Variants in FHIT observed in about 807,000 individuals in gnomAD.
The protein encoded by FHIT is bis(5'-adenosyl)-triphosphatase.
FHIT carries 19 observed loss-of-function variants against 17.9 expected under a neutral mutation model. The observed-to-expected ratio is 1.06, with a 90% CI of 0.74 to 1.56. The LOEUF (loss-of-function observed/expected upper bound fraction) is 1.56, where lower values mean the gene tolerates loss of function less well. Ranked by LOEUF, FHIT falls within the 40% of genes most tolerant of loss-of-function variation. FHIT has a pLI of 0.00. For missense variants in FHIT, 248 were observed against 189.2 expected (o/e 1.31, Z -1.82); for synonymous variants, 81 against 69.7 (o/e 1.16, Z -0.81).
At chr3:60,456,847 A>C (rs1266421261) in intron 5 of FHIT, among the ~76,000 whole-genome samples, 1 of 152,172 alleles carries the variant, frequency 6.6e-6, no homozygotes, top group Non-Finnish European at 1.5e-5. Context: ...CAAAGAGAAT[A>C]AAATACCTAG....
At chr3:60,922,846 A>C (rs1707354372) in intron 3 of FHIT, among the ~76,000 whole-genome samples, 1 of 152,214 alleles carries the variant, frequency 6.6e-6, no homozygotes, top group African/African-American at 2.4e-5. Context: ...AGTTAATTAA[A>C]ATTGTGGAAT....
chr3:61,235,363 G>A (rs1576274725), intron 1 of FHIT, among the ~76,000 whole-genome samples: 2 of 152,226 alleles, frequency 1.3e-5, no homozygotes, highest in East Asian at 1.9e-4. Context: ...GAGTTGCTAA[G>A]AGGATGAAAT....
intron 5 of FHIT, among the ~76,000 whole-genome samples, chr3:60,497,299 G>T (rs189408690): frequency 5.3e-5 from 8 of 152,036 alleles, no homozygotes; most frequent in Admixed American, 5.2e-4. Context: ...AAGATGAAGT[G>T]TATCTATAAC....
At chr3:60,345,447 A>C (rs1241679833) in intron 5 of FHIT, among the ~76,000 whole-genome samples, 1 of 152,210 alleles carries the variant, frequency 6.6e-6, no homozygotes, top group East Asian at 1.9e-4. Context: ...AACTAGGAGG[A>C]GAACTAAGTA....
chr3:61,245,188 C>T (rs2040460495), intron 1 of FHIT, among the ~76,000 whole-genome samples: 1 of 152,132 alleles, frequency 6.6e-6, no homozygotes, highest in African/African-American at 2.4e-5. Flanking sequence ...AGAATAAAAT[C>T]ATTAGCTACC....
At chr3:60,899,300 T>C (rs1363142602) in intron 3 of FHIT, among the ~76,000 whole-genome samples, 2 of 152,228 alleles carry the variant, frequency 1.3e-5, no homozygotes, top group African/African-American at 4.8e-5. Flanking sequence ...CATTTGCATA[T>C]CTTTTTACAC....
At chr3:60,351,864 TAGA>T (rs1699414810) in intron 5 of FHIT, among the ~76,000 whole-genome samples, 2 of 147,310 alleles carry the variant, frequency 1.4e-5, no homozygotes, top group Non-Finnish European at 3.0e-5. Flanking sequence ...TTCTCAGTCC[TAGA>T]CCTGGCTAAC....
chr3:60,554,896 G>C (rs148619602), intron 4 of FHIT, among the ~76,000 whole-genome samples: 1 of 152,260 alleles, frequency 6.6e-6, no homozygotes, highest in East Asian at 1.9e-4. Flanking sequence ...CTAAAACGGA[G>C]TATAAGGCTA....
chr3:61,122,768 G>A (rs1169174418), intron 2 of FHIT, among the ~76,000 whole-genome samples: 3 of 151,996 alleles, frequency 2.0e-5, no homozygotes, highest in Admixed American at 6.6e-5. Context: ...ATCATCACTC[G>A]TCATTAGAAA....
chr3:60,728,566 TTG>T (rs1329844712), intron 4 of FHIT, among the ~76,000 whole-genome samples: 2 of 152,142 alleles, frequency 1.3e-5, no homozygotes, highest in Non-Finnish European at 2.9e-5. Flanking sequence ...TTGTTTGTTT[TTG>T]TTTTATTTTG....
At chr3:60,315,499 T>C (rs1709124272) in intron 5 of FHIT, among the ~76,000 whole-genome samples, 2 of 152,172 alleles carry the variant, frequency 1.3e-5, no homozygotes, top group South Asian at 4.1e-4. Context: ...TCTATTATGA[T>C]AGACAAGTTT....
intron 8 of FHIT, among the ~76,000 whole-genome samples, chr3:59,804,992 G>T (rs1393862056): frequency 6.6e-6 from 1 of 152,102 alleles, no homozygotes; most frequent in Non-Finnish European, 1.5e-5. Context: ...TCTAGTGTAG[G>T]CTTCAGGGGA....
At chr3:60,331,195 C>T (rs1311575355) in intron 5 of FHIT, among the ~76,000 whole-genome samples, 1 of 152,186 alleles carries the variant, frequency 6.6e-6, no homozygotes, top group African/African-American at 2.4e-5. Context: ...GATGTTCATC[C>T]ATTCTGCCTG....
chr3:60,791,269 G>GA (rs1214887501), intron 4 of FHIT, among the ~76,000 whole-genome samples: 128 of 145,088 alleles, frequency 8.8e-4, no homozygotes, highest in Middle Eastern at 7.0e-3. Flanking sequence ...CAGCTAAAGA[G>GA]AAAAAAAAAA....
intron 5 of FHIT, among the ~76,000 whole-genome samples, chr3:60,315,877 T>C (rs190802557): frequency 6.6e-4 from 101 of 152,332 alleles, no homozygotes; most frequent in African/African-American, 2.3e-3. Flanking sequence ...ATATTCCAAC[T>C]ACTCAAAGAA....
chr3:60,229,043 T>C (rs528993223), intron 5 of FHIT, among the ~76,000 whole-genome samples: 6 of 152,266 alleles, frequency 3.9e-5, no homozygotes, highest in African/African-American at 1.4e-4. Flanking sequence ...CTGACCCACA[T>C]ATTAATAACC....
intron 4 of FHIT, among the ~76,000 whole-genome samples, chr3:60,598,480 T>G (rs1240934226): frequency 1.3e-5 from 2 of 152,146 alleles, no homozygotes; most frequent in Non-Finnish European, 2.9e-5. Flanking sequence ...TGTTTGAGGA[T>G]AGATAATTCC....
intron 4 of FHIT, among the ~76,000 whole-genome samples, chr3:60,656,656 T>A (rs2040123160): frequency 6.6e-6 from 1 of 152,150 alleles, no homozygotes; most frequent in African/African-American, 2.4e-5. Flanking sequence ...TGGCCCAAGC[T>A]CAAGCCTCAG....
rs1168904410 is a variant in FHIT at position 60,410,538 on chromosome 3, C to CA, written c.103+126321dup. Among the ~76,000 whole-genome samples the CA allele has an allele frequency of 6.6e-5, 10 of 152,222 alleles. No homozygotes were observed. The East Asian group carries it at 1.9e-3, about 29-fold the overall frequency. On this transcript the variant is annotated intron_variant, in intron 5 of 9. Coordinates refer to ENST00000492590, the MANE Select transcript of FHIT (RefSeq NM_002012.4). ...AAATAAATTTCCAAAGTATTCACAG[C>CA]ATTTTTTTACTTTGAAAAGTAATTA... is the stretch of plus-strand genomic sequence containing the variant.
Sources: allele counts gnomAD v4.1 joint callset (sites outside exome capture counted in the v4.1 genomes callset), GRCh38; gene constraint gnomAD v4.1.1; transcripts MANE v1.5; gene names NCBI Gene and HGNC (gene_info 2026-07-23, HGNC 2026-07-21).